Variants in AMZ2 observed in about 807,000 individuals in gnomAD.
AMZ2 encodes the protein archaemetzincin-2.
Under a neutral mutation model 36.7 loss-of-function variants are expected in AMZ2, and 26 were observed. The observed-to-expected ratio is 0.71, with a 90% confidence interval of 0.52 to 0.98. The LOEUF (loss-of-function observed/expected upper bound fraction) is 0.98, where lower values mean the gene tolerates loss of function less well. AMZ2 is among the 50% of genes least tolerant of loss of function. The pLI is 0.00. For missense variants in AMZ2, 394 were observed against 430.5 expected (o/e 0.92, Z 0.75); for synonymous variants, 144 against 149.1 (o/e 0.97, Z 0.25).
In AMZ2 at chr17:68,248,698, T is replaced by C; in HGVS notation, c.-8T>C. Reference sequence around the variant, plus strand: ...AAGCTTCCATGGGAGCCTTCCTTCCTAATCAAGGTAGGTAGACTACAGGAA... The same window carrying C: ...AAGCTTCCATGGGAGCCTTCCTTCCCAATCAAGGTAGGTAGACTACAGGAA... On this transcript the variant is annotated 5_prime_UTR_variant, in exon 1 of 7. Transcript: ENST00000359904. 1.0e-6 allele frequency: 1 copy of C among 986,652 alleles called. No homozygotes were observed. Among genetic ancestry groups the C allele is most frequent in the Non-Finnish European group, 1.2e-6 (1 of 830,632 alleles). The allele number at this position is 986,652 out of a possible 1,614,324, so 61.1% of individuals were successfully genotyped here.
At chr17:68,214,658 A>C (rs1439943746) in intron 1 of AMZ2, among the ~76,000 whole-genome samples, 1 of 151,602 alleles carries the variant, frequency 6.6e-6, no homozygotes, top group Non-Finnish European at 1.5e-5. Context: ...TCTCAACTTC[A>C]CCTTCCTTTT....
Position 68,250,450 on chromosome 17 carries a change from G to C in AMZ2, c.263G>C (p.Ser88Thr). 1 of 1,614,052 alleles carries C rather than the reference G, an allele frequency of 6.2e-7. No homozygotes were observed. The highest frequency in any genetic ancestry group is 8.5e-7 in the Non-Finnish European group (1 of 1,180,006). The change falls in exon 2 of 7, where the codon AGC becomes ACC. Residue 88 changes from serine (S) to threonine (T), a missense_variant. Coordinates refer to ENST00000359904, the MANE Select transcript of AMZ2 (RefSeq NM_016627.5). ...AAGACACCCTCTCCAAACAAACGCA[G>C]CATTTATATACAGTCCATTGGTAAA... Reference protein sequence around the residue: ...YRKTPSPNKRSIYIQSIGSLG... With the variant: ...YRKTPSPNKRTIYIQSIGSLG...
rs536289748 is a variant in AMZ2 at position 68,221,753 on chromosome 17, C to T, written c.-67+15515C>T. Among the ~76,000 whole-genome samples, 20 of 151,494 alleles carry T rather than the reference C, an allele frequency of 1.3e-4. No individual in the cohort carries two copies. The East Asian group carries it at 1.4e-3, about 10-fold the overall frequency. On this transcript the variant is annotated intron_variant, in intron 1 of 7. Coordinates refer to the AMZ2 transcript ENST00000674770. ...AAAAAAAAGAAAAAAAAAAATTAGC[C>T]GGGCATGGCACATGCCTGTAATCCC...
chr17:68,209,197 C>CTTTTTT (rs34960416), intron 1 of AMZ2, among the ~76,000 whole-genome samples: 2 of 141,976 alleles, frequency 1.4e-5, no homozygotes, highest in African/African-American at 2.6e-5. Context: ...AATTTTAGTA[C>CTTTTTT]TTTTTTTTTT....
chr17:68,252,269 A>G (rs1351615423), intron 4 of AMZ2, among the ~76,000 whole-genome samples: 1 of 152,152 alleles, frequency 6.6e-6, no homozygotes, highest in Non-Finnish European at 1.5e-5. Context: ...AAATGTTTCT[A>G]CTAGAGGTGG....
At chr17:68,207,322 C>CCCT (rs1357268281) in intron 1 of AMZ2, 1 of 144,482 alleles carries the variant, frequency 6.9e-6, no homozygotes, top group African/African-American at 2.6e-5. Flanking sequence ...TACCCCCCCC[C>CCCT]CACAAAGGCT....
At chr17:68,211,820 GTATGTA>G (rs1332103132) in intron 1 of AMZ2, among the ~76,000 whole-genome samples, 2 of 126,158 alleles carry the variant, frequency 1.6e-5, no homozygotes, top group African/African-American at 2.9e-5. Flanking sequence ...ATATGTATGT[GTATGTA>G]TATGTATATA....
At chr17:68,226,860 C>T (rs2073528334) in intron 1 of AMZ2, among the ~76,000 whole-genome samples, 1 of 150,792 alleles carries the variant, frequency 6.6e-6, no homozygotes, top group African/African-American at 2.5e-5. Flanking sequence ...CTGGCTCTAA[C>T]ATCAGGGGAC....
intron 1 of AMZ2, among the ~76,000 whole-genome samples, chr17:68,221,183 G>A (rs1384031747): frequency 6.9e-6 from 1 of 145,466 alleles, no homozygotes. Context: ...CCTGGGTCAA[G>A]TGATCTTCCT....
chr17:68,223,960 G>A (rs1310878985), intron 1 of AMZ2, among the ~76,000 whole-genome samples: 1 of 151,862 alleles, frequency 6.6e-6, no homozygotes, highest in African/African-American at 2.4e-5. Flanking sequence ...CACCATCTCA[G>A]CTCACTGCAA....
chr17:68,232,773 G>A (rs1294318366), intron 1 of AMZ2, among the ~76,000 whole-genome samples: 1 of 152,096 alleles, frequency 6.6e-6, no homozygotes, highest in African/African-American at 2.4e-5. Flanking sequence ...GAACCTAGGG[G>A]GTGGAGGTTT....
At position 68,219,289 on chromosome 17, in the gene AMZ2, T is replaced by C. The variant is rs147711355; in HGVS notation, c.-67+13051T>C. 5.6e-3 allele frequency among the ~76,000 whole-genome samples: 856 copies of C among 152,248 alleles called. 14 individuals carry two copies. Among genetic ancestry groups the C allele is most frequent in the African/African-American group, 0.019 (775 of 41,556 alleles). On this transcript the variant is annotated intron_variant, in intron 1 of 7. Transcript: ENST00000674770. ...TGCATCAGCCTTTTTCTAACCGGCC[T>C]TCCCTTCCAGCTTCCTCCACTCTAG... is the stretch of plus-strand genomic sequence containing the variant.
In AMZ2 at chr17:68,257,116, A is replaced by T. The variant is rs1290995498; in HGVS notation, c.*147A>T. The T allele has an allele frequency of 1.4e-6, 1 of 726,930 alleles. No homozygotes were observed. Among genetic ancestry groups the T allele is most frequent in the Non-Finnish European group, 2.1e-6 (1 of 471,684 alleles). The allele number at this position is 726,930 out of a possible 1,614,324, so 45.0% of individuals were successfully genotyped here. Reference sequence around the variant, plus strand: ...CCTTCTTTCAAGTACCTGAATTGAAATGAAACTCATTTTGAATAATAAAAA... The same window carrying T: ...CCTTCTTTCAAGTACCTGAATTGAATTGAAACTCATTTTGAATAATAAAAA... On this transcript the variant is annotated 3_prime_UTR_variant, in exon 7 of 7. Coordinates refer to ENST00000359904, the MANE Select transcript of AMZ2 (RefSeq NM_016627.5).
At chr17:68,208,674 C>A (rs1394783078) in intron 1 of AMZ2, among the ~76,000 whole-genome samples, 1 of 152,204 alleles carries the variant, frequency 6.6e-6, no homozygotes, top group Non-Finnish European at 1.5e-5. Flanking sequence ...GTGAATTTTG[C>A]TGCTGCTCAC....
At chr17:68,245,809 T>C (rs782212171), upstream of AMZ2, among the ~76,000 whole-genome samples, 1 of 152,038 alleles carries the variant, frequency 6.6e-6, no homozygotes, top group South Asian at 2.1e-4. Context: ...TTACAATCAT[T>C]GTGACAAGGA....
chr17:68,233,483 T>G (rs2073712937), intron 1 of AMZ2, among the ~76,000 whole-genome samples: 1 of 143,346 alleles, frequency 7.0e-6, no homozygotes, highest in Non-Finnish European at 1.5e-5. Context: ...CACTCTAACC[T>G]GCCGACAAGA....
chr17:68,230,164 C>T (rs1388186236), intron 1 of AMZ2, among the ~76,000 whole-genome samples: 2 of 152,194 alleles, frequency 1.3e-5, no homozygotes, highest in Admixed American at 1.3e-4. Flanking sequence ...CCTCCACCTC[C>T]CAGGTTTAAG....
intron 1 of AMZ2, among the ~76,000 whole-genome samples, chr17:68,232,527 A>G (rs1318663704): frequency 1.3e-5 from 2 of 151,800 alleles, no homozygotes; most frequent in African/African-American, 4.8e-5. Flanking sequence ...TTGATCAACA[A>G]TAGAAAATGA....
At chr17:68,253,391 G>A (rs1317932923) in intron 4 of AMZ2, among the ~76,000 whole-genome samples, 1 of 152,188 alleles carries the variant, frequency 6.6e-6, no homozygotes, top group Admixed American at 6.5e-5. Context: ...TAAACAAGTC[G>A]AATTATGAAG....
Sources: gnomAD v4.1 joint callset for allele counts (sites outside exome capture counted in the v4.1 genomes callset) on GRCh38, gnomAD v4.1.1 for gene constraint, MANE v1.5 for transcripts, NCBI Gene and HGNC (gene_info 2026-07-23, HGNC 2026-07-21) for gene names.